Variants in GSE1 observed in about 807,000 individuals in gnomAD.
GSE1 encodes the protein Gse1 coiled-coil protein.
A neutral mutation model predicts 112.6 loss-of-function variants in GSE1; 32 were observed. That is an observed-to-expected ratio of 0.28 (90% CI 0.21 to 0.38). The LOEUF (loss-of-function observed/expected upper bound fraction) is 0.38, where lower values mean the gene tolerates loss of function less well. Among genes scored for constraint, GSE1 ranks in the 10% least tolerant of loss-of-function variants. GSE1 has a pLI of 1.00. For synonymous variants in GSE1, 1,115 were observed against 735.6 expected, an observed-to-expected ratio of 1.52 and a Z score of -8.35; for missense variants, 2,348 against 1,699.2, an observed-to-expected ratio of 1.38 and a Z score of -6.71.
At chr16:85,502,386 A>G (rs1012381770) in intron 2 of GSE1, among the ~76,000 whole-genome samples, 7 of 152,214 alleles carry the variant, frequency 4.6e-5, no homozygotes, top group Non-Finnish European at 1.0e-4. Context: ...TCATCTGCTC[A>G]GAAGGACAGC....
chr16:85,445,329 A>AC lies in GSE1; in HGVS notation c.2464+87693dup, dbSNP rs572527453. The stretch of plus-strand genomic sequence containing the variant: ...AGTGTGCTGCTACCTGCTCCAGCGA[A>AC]CCCCCCCACTCTGCAAAGGAGGCAG... On this transcript the variant is annotated intron_variant, in intron 2 of 2. Transcript: ENST00000637419. 4.1e-4 allele frequency among the ~76,000 whole-genome samples: 63 copies of AC among 152,016 alleles called. 1 individual carries two copies. The highest frequency in any genetic ancestry group is 1.4e-3 in the Admixed American group (22 of 15,278).
intron 2 of GSE1, among the ~76,000 whole-genome samples, chr16:85,641,749 C>G (rs373084329): frequency 1.3e-5 from 2 of 152,382 alleles, no homozygotes; most frequent in East Asian, 3.9e-4. Flanking sequence ...CTGCTATTCC[C>G]GTTCCACTGG....
chr16:85,403,006 T>C (rs1391376845), intron 2 of GSE1, among the ~76,000 whole-genome samples: 6 of 151,960 alleles, frequency 3.9e-5, no homozygotes, highest in Non-Finnish European at 8.8e-5. Context: ...GGATCCAGCT[T>C]AGCCGGGCCT....
At chr16:85,566,064 C>A (rs1233531394) in intron 1 of GSE1, among the ~76,000 whole-genome samples, 4 of 152,202 alleles carry the variant, frequency 2.6e-5, no homozygotes, top group Non-Finnish European at 5.9e-5. Context: ...GCGGAGCCTG[C>A]CTCCTGGGGC....
At chr16:85,662,879 G>T in intron 9 of GSE1, 102 bp from the exon 10 acceptor site, 1 of 807,730 alleles carries the variant, frequency 1.2e-6, no homozygotes, top group Non-Finnish European at 2.1e-6. Flanking sequence ...GTGCCAGCAG[G>T]CCTGGCCTGA....
intron 1 of GSE1, among the ~76,000 whole-genome samples, chr16:85,210,836 T>C (rs1024968258): frequency 6.6e-6 from 1 of 152,216 alleles, no homozygotes; most frequent in Admixed American, 6.5e-5. Context: ...TCACTTGAGC[T>C]TGTCATCTCT....
chr16:85,413,015 A>C (rs561245627), intron 2 of GSE1, among the ~76,000 whole-genome samples: 70 of 152,282 alleles, frequency 4.6e-4, no homozygotes, highest in Middle Eastern at 6.8e-3. Context: ...TCGCACACTT[A>C]GGAGGGCCTG....
intron 3 of GSE1, among the ~76,000 whole-genome samples, chr16:85,652,743 G>A (rs189862738): frequency 3.3e-5 from 5 of 152,032 alleles, no homozygotes; most frequent in South Asian, 2.1e-4. Context: ...ACACAGGCAC[G>A]GCCCCTGGGA....
chr16:85,425,384 T>C (rs1028037433), intron 2 of GSE1, among the ~76,000 whole-genome samples: 4 of 151,708 alleles, frequency 2.6e-5, no homozygotes, highest in African/African-American at 7.3e-5. Flanking sequence ...ACCCAGAGGC[T>C]TGGTGGAGGA....
rs545397492 is a variant in GSE1, at chr16:85,228,872, C to G, written c.2283+57065C>G. On this transcript the variant is annotated intron_variant, in intron 1 of 2. Transcript: ENST00000637419. Reference sequence around the variant, plus strand: ...TCAGTTTACCCCACTAGAAGGCACCCTGGGGCCTTTGGTCTTCCATGGAGA... The same window carrying G: ...TCAGTTTACCCCACTAGAAGGCACCGTGGGGCCTTTGGTCTTCCATGGAGA... Among the ~76,000 whole-genome samples, 74 of 152,244 alleles carry G rather than the reference C, an allele frequency of 4.9e-4. 4 individuals are homozygous for G. Among genetic ancestry groups the G allele is most frequent in the Non-Finnish European group, 2.1e-4 (14 of 68,036 alleles).
intron 2 of GSE1, among the ~76,000 whole-genome samples, chr16:85,549,587 C>T (rs1309729097): frequency 1.3e-5 from 2 of 152,160 alleles, no homozygotes; most frequent in African/African-American, 4.8e-5. Flanking sequence ...AGACAGCACC[C>T]GTGGGTGGGG....
intron 1 of GSE1, among the ~76,000 whole-genome samples, chr16:85,557,318 T>G (rs945681742): frequency 3.9e-5 from 6 of 152,122 alleles, no homozygotes; most frequent in African/African-American, 1.4e-4. Context: ...CTGCTGGTTC[T>G]AGGAATGAGC....
At chr16:85,485,927 C>A (rs548674587) in intron 2 of GSE1, among the ~76,000 whole-genome samples, 8 of 152,236 alleles carry the variant, frequency 5.3e-5, no homozygotes, top group African/African-American at 1.9e-4. Context: ...CCCCTTCACC[C>A]CGGCCCTGAG....
chr16:85,482,267 C>T (rs1166674772), intron 2 of GSE1, among the ~76,000 whole-genome samples: 1 of 152,236 alleles, frequency 6.6e-6, no homozygotes, highest in Non-Finnish European at 1.5e-5. Flanking sequence ...CTCACTGGCA[C>T]TGGGGGTGCT....
At chr16:85,270,299 G>C (rs1908704963) in intron 1 of GSE1, among the ~76,000 whole-genome samples, 1 of 148,942 alleles carries the variant, frequency 6.7e-6, no homozygotes, top group African/African-American at 2.4e-5. Flanking sequence ...TGAGGCCCAG[G>C]TGATGATCCC....
intron 1 of GSE1, among the ~76,000 whole-genome samples, chr16:85,604,264 C>A (rs1330872226): frequency 6.6e-6 from 1 of 152,192 alleles, no homozygotes; most frequent in Non-Finnish European, 1.5e-5. Flanking sequence ...TGGAATCCCC[C>A]TTGTTTGTCT....
At chr16:85,658,649 C>A (rs1173485651) in intron 8 of GSE1, among the ~76,000 whole-genome samples, 1 of 152,192 alleles carries the variant, frequency 6.6e-6, no homozygotes, top group Non-Finnish European at 1.5e-5. Flanking sequence ...TCACACTGCC[C>A]GGCACGGCCG....
intron 2 of GSE1, among the ~76,000 whole-genome samples, chr16:85,387,992 GTGGATGGATGGATGGA>G (rs58416051): frequency 4.0e-4 from 41 of 103,226 alleles, no homozygotes; most frequent in Admixed American, 2.7e-3. Flanking sequence ...GGATGGGTGG[GTGGATGGATGGATGGA>G]TGGATGGATG....
chr16:85,441,865 T>C (rs1468623950), intron 2 of GSE1, among the ~76,000 whole-genome samples: 1 of 152,150 alleles, frequency 6.6e-6, no homozygotes, highest in Non-Finnish European at 1.5e-5. Context: ...TTTTAGAACA[T>C]CCGAGAGCCC....
Sources: allele counts gnomAD v4.1 joint callset (sites outside exome capture counted in the v4.1 genomes callset), GRCh38; gene constraint gnomAD v4.1.1; transcripts MANE v1.5; gene names NCBI Gene and HGNC (gene_info 2026-07-23, HGNC 2026-07-21).